INSL6: variants seen among roughly 807,000 people sequenced by gnomAD.
INSL6 encodes insulin like 6.
In INSL6, 16 loss-of-function variants were observed where a neutral mutation model predicts 9.4. That is an observed-to-expected ratio of 1.70 (90% CI 1.15 to 2.59). INSL6 has a LOEUF of 2.59. Among genes scored for constraint, INSL6 ranks in the 30% most tolerant of loss-of-function variants. INSL6 has a pLI of 0.00. For missense variants in INSL6, 391 were observed against 257.3 expected, an observed-to-expected ratio of 1.52 and a Z score of -3.56; for synonymous variants, 154 against 96.9, an observed-to-expected ratio of 1.59 and a Z score of -3.46.
At chr9:5,081,097 G>A in the INSL6 span, among the ~76,000 whole-genome samples, 6 of 151,468 alleles carry the variant, frequency 4.0e-5, no homozygotes, top group African/African-American at 1.5e-4. Context: ...GGGTTTCACC[G>A]TGTTAGCCAG....
At chr9:5,050,086 A>G in the INSL6 span, among the ~76,000 whole-genome samples, 2 of 152,216 alleles carry the variant, frequency 1.3e-5, no homozygotes, top group East Asian at 1.9e-4. Flanking sequence ...GGAGTTCAGT[A>G]TATATTTAAC....
At chr9:5,169,134 CA>C (rs1185920352) in intron 1 of INSL6, among the ~76,000 whole-genome samples, 1 of 152,126 alleles carries the variant, frequency 6.6e-6, no homozygotes, top group East Asian at 1.9e-4. Flanking sequence ...CCATGTTGGC[CA>C]GGCTGATCTC....
At chr9:5,113,542 C>T in the INSL6 span, 160 of 154,294 alleles carry the variant, frequency 1.0e-3, 1 homozygote, top group Non-Finnish European at 1.3e-3. Flanking sequence ...CTGATCTTGA[C>T]TGTCCCGCCT....
the INSL6 span, among the ~76,000 whole-genome samples, chr9:5,014,829 C>T: frequency 6.6e-6 from 1 of 152,084 alleles, no homozygotes; most frequent in African/African-American, 2.4e-5. Flanking sequence ...CAATTTGCAC[C>T]TACATATGTG....
At chr9:4,998,481 T>G in the INSL6 span, among the ~76,000 whole-genome samples, 1 of 152,158 alleles carries the variant, frequency 6.6e-6, no homozygotes, top group Non-Finnish European at 1.5e-5. Flanking sequence ...GGTCTCGAAC[T>G]CCTGACCTCG....
intron 2 of INSL6, among the ~76,000 whole-genome samples, chr9:5,144,862 T>C (rs1461142889): frequency 3.9e-5 from 6 of 152,206 alleles, no homozygotes; most frequent in African/African-American, 7.2e-5. Context: ...ATTTGTGTCT[T>C]TGCATGTGAG....
At chr9:5,110,591 C>T in the INSL6 span, 1 of 181,600 alleles carries the variant, frequency 5.5e-6, no homozygotes, top group Non-Finnish European at 1.1e-5. Context: ...TTATTGGTAG[C>T]CTTGCACTTA....
the INSL6 span, chr9:5,112,447 A>G: frequency 5.0e-3 from 2,623 of 528,456 alleles, 47 homozygotes; most frequent in African/African-American, 0.047. Flanking sequence ...AGAGGAGAAG[A>G]AGGAGCTGAA....
At chr9:4,995,515 T>C in the INSL6 span, among the ~76,000 whole-genome samples, 3 of 152,354 alleles carry the variant, frequency 2.0e-5, no homozygotes, top group Non-Finnish European at 4.4e-5. Context: ...AGATAATCCT[T>C]CTTTTCTCTG....
At chr9:5,115,471 A>G in the INSL6 span, among the ~76,000 whole-genome samples, 1 of 152,178 alleles carries the variant, frequency 6.6e-6, no homozygotes, top group Non-Finnish European at 1.5e-5. Flanking sequence ...TGGGAGTGTA[A>G]ATTAGTTCAA....
chr9:5,102,435 C>T, the INSL6 span, among the ~76,000 whole-genome samples: 7 of 152,128 alleles, frequency 4.6e-5, no homozygotes, highest in South Asian at 2.1e-4. Flanking sequence ...CTGAAAGTGA[C>T]GGGGAGAATG....
the INSL6 span, among the ~76,000 whole-genome samples, chr9:5,025,260 A>G: frequency 1.3e-5 from 2 of 152,054 alleles, no homozygotes; most frequent in Non-Finnish European, 2.9e-5. Flanking sequence ...TTTTCTATCT[A>G]TATTGGTGAG....
the INSL6 span, chr9:5,111,744 A>T: frequency 2.3e-6 from 1 of 428,076 alleles, no homozygotes; most frequent in Non-Finnish European, 4.6e-6. Flanking sequence ...TACCGGCTGC[A>T]CGGAGGAGAA....
intron 2 of INSL6, among the ~76,000 whole-genome samples, chr9:5,145,029 G>A (rs1410686277): frequency 6.6e-6 from 1 of 152,120 alleles, no homozygotes; most frequent in African/African-American, 2.4e-5. Context: ...TTATTTTGCA[G>A]ACTTGTTTAT....
downstream of INSL6, among the ~76,000 whole-genome samples, chr9:5,163,657 G>A (rs1181651372): frequency 6.6e-6 from 1 of 152,062 alleles, no homozygotes; most frequent in Non-Finnish European, 1.5e-5. Context: ...AATGACAAGT[G>A]AACAGGTAAC....
the INSL6 span, chr9:5,112,706 C>G: frequency 4.7e-6 from 4 of 856,300 alleles, no homozygotes; most frequent in African/African-American, 5.2e-5. Context: ...GCAGCAAGTG[C>G]GAGAGCGGAA....
intron 1 of INSL6, among the ~76,000 whole-genome samples, chr9:5,183,355 C>T (rs1417281946): frequency 6.6e-6 from 1 of 152,124 alleles, no homozygotes; most frequent in Non-Finnish European, 1.5e-5. Flanking sequence ...TACATAGTTT[C>T]CATAGTAGCA....
chr9:5,026,827 C>G, the INSL6 span, among the ~76,000 whole-genome samples: 1 of 152,136 alleles, frequency 6.6e-6, no homozygotes, highest in East Asian at 1.9e-4. Flanking sequence ...GGCTTTCAAC[C>G]ATTTGTTGAT....
chr9:5,098,318 T>A, the INSL6 span: 1 of 152,256 alleles, frequency 6.6e-6, no homozygotes, highest in East Asian at 1.9e-4. Flanking sequence ...AGTTAAGTTA[T>A]AGGCTAAATC....
Sources: allele counts gnomAD v4.1 joint callset (sites outside exome capture counted in the v4.1 genomes callset), GRCh38; gene constraint gnomAD v4.1.1; transcripts MANE v1.5; gene names NCBI Gene and HGNC (gene_info 2026-07-23, HGNC 2026-07-21).